The following PPP2R2B variants were observed in gnomAD, a reference collection of about 807,000 sequenced individuals.
PPP2R2B encodes the protein serine/threonine-protein phosphatase 2A 55 kDa regulatory subunit B beta isoform.
In PPP2R2B, 5 loss-of-function variants were observed where a neutral mutation model predicts 46.0. The ratio of observed to expected loss-of-function variants is 0.11; its 90% CI spans 0.06 to 0.23. The LOEUF (loss-of-function observed/expected upper bound fraction) is 0.23. Ranked by LOEUF, PPP2R2B falls within the 10% of genes least tolerant of loss-of-function variation. The probability of loss-of-function intolerance (pLI) is 1.00; values close to 1 mark genes in which losing one functional copy is unlikely to be tolerated. For missense variants in PPP2R2B, 367 were observed against 575.0 expected, an observed-to-expected ratio of 0.64 and a Z score of 3.70; for synonymous variants, 215 against 206.7, an observed-to-expected ratio of 1.04 and a Z score of -0.34.
chr5:147,068,854 T>A (rs1489381762), intron 2 of PPP2R2B, among the ~76,000 whole-genome samples: 1 of 152,164 alleles, frequency 6.6e-6, no homozygotes, highest in Non-Finnish European at 1.5e-5. Context: ...CCTGGTATAT[T>A]TGATTAATGG....
At chr5:146,842,531 AG>A (rs1173801990) in intron 2 of PPP2R2B, among the ~76,000 whole-genome samples, 2 of 148,404 alleles carry the variant, frequency 1.3e-5, no homozygotes, top group East Asian at 3.9e-4. Flanking sequence ...AGGATGTGCA[AG>A]TTTTTTACAT....
intron 2 of PPP2R2B, among the ~76,000 whole-genome samples, chr5:146,865,311 C>G (rs1278559174): frequency 6.6e-6 from 1 of 151,926 alleles, no homozygotes; most frequent in Non-Finnish European, 1.5e-5. Flanking sequence ...CACACACACA[C>G]ACACACACAC....
intron 5 of PPP2R2B, among the ~76,000 whole-genome samples, chr5:146,686,123 A>C (rs1057238934): frequency 3.3e-5 from 5 of 152,148 alleles, no homozygotes; most frequent in Admixed American, 1.3e-4. Context: ...GGCTACTCTA[A>C]AACACGGTTT....
chr5:146,988,690 C>T (rs1380493749), intron 1 of PPP2R2B, among the ~76,000 whole-genome samples: 1 of 151,728 alleles, frequency 6.6e-6, no homozygotes, highest in African/African-American at 2.4e-5. Context: ...AACAACCTAA[C>T]ATTATACCTC....
intron 1 of PPP2R2B, among the ~76,000 whole-genome samples, chr5:146,896,998 G>A (rs934483237): frequency 6.6e-6 from 1 of 152,128 alleles, no homozygotes; most frequent in Non-Finnish European, 1.5e-5. Flanking sequence ...TAAGGTCAAT[G>A]ATGAACTGAG....
intron 2 of PPP2R2B, among the ~76,000 whole-genome samples, chr5:146,722,533 G>A (rs1409141672): frequency 1.3e-5 from 2 of 152,164 alleles, no homozygotes; most frequent in African/African-American, 4.8e-5. Context: ...GCCCAGCCCA[G>A]TCCAGAAAAG....
intron 2 of PPP2R2B, among the ~76,000 whole-genome samples, chr5:147,070,427 C>G (rs1350220422): frequency 6.6e-6 from 1 of 152,122 alleles, no homozygotes; most frequent in Non-Finnish European, 1.5e-5. Context: ...CAGGAACCAC[C>G]CCACAATGTC....
rs78745287 is a variant in PPP2R2B at position 146,913,490 on chromosome 5, T to A, written c.79+142175A>T. On this transcript the variant is annotated intron_variant, in intron 1 of 8. Transcript: ENST00000336640. ...AATAGAGGCCAACATATAGTTCCAG[T>A]AATGACTGAAATTCTATTTATATTC... 6.2e-3 allele frequency among the ~76,000 whole-genome samples: 947 copies of A among 152,240 alleles called. 33 individuals carry two copies. The highest frequency in any genetic ancestry group is 0.045 in the Admixed American group (683 of 15,284).
chr5:146,894,620 A>G (rs1053461844), intron 1 of PPP2R2B, among the ~76,000 whole-genome samples: 2 of 151,994 alleles, frequency 1.3e-5, no homozygotes, highest in Non-Finnish European at 2.9e-5. Flanking sequence ...TTGTGTTTTT[A>G]GTAGAAACGG....
chr5:146,791,596 C>T (rs1252842005), intron 2 of PPP2R2B, among the ~76,000 whole-genome samples: 3 of 152,164 alleles, frequency 2.0e-5, no homozygotes, highest in Admixed American at 6.5e-5. Flanking sequence ...TTACTCTCTT[C>T]ACACTCACTC....
intron 1 of PPP2R2B, among the ~76,000 whole-genome samples, chr5:147,006,248 G>T (rs921799669): frequency 1.3e-5 from 2 of 152,146 alleles, no homozygotes; most frequent in African/African-American, 4.8e-5. Flanking sequence ...CTGCTCAAAC[G>T]TGGGAGTTGT....
At chr5:146,701,267 G>A in intron 2 of PPP2R2B, 125 bp from the exon 3 acceptor site, 2 of 931,292 alleles carry the variant, frequency 2.1e-6, no homozygotes, top group Non-Finnish European at 3.5e-6. Context: ...AATTTACAAG[G>A]ATGTTATGTT....
At chr5:146,959,026 A>G (rs1752051831) in intron 1 of PPP2R2B, among the ~76,000 whole-genome samples, 1 of 152,220 alleles carries the variant, frequency 6.6e-6, no homozygotes, top group African/African-American at 2.4e-5. Flanking sequence ...TGGTTCTTAC[A>G]TAGTAGCCTT....
At chr5:146,815,396 G>A (rs924634446) in intron 2 of PPP2R2B, among the ~76,000 whole-genome samples, 1 of 152,216 alleles carries the variant, frequency 6.6e-6, no homozygotes, top group African/African-American at 2.4e-5. Flanking sequence ...CATCTGTCAG[G>A]TTAATTTTTA....
intron 2 of PPP2R2B, among the ~76,000 whole-genome samples, chr5:146,811,233 T>C (rs766389949): frequency 5.2e-4 from 79 of 152,262 alleles, no homozygotes; most frequent in Middle Eastern, 3.4e-3. Flanking sequence ...CTCTTGACCT[T>C]GTGATCTGTC....
chr5:147,033,520 C>T (rs1755894538), intron 1 of PPP2R2B, among the ~76,000 whole-genome samples: 1 of 152,154 alleles, frequency 6.6e-6, no homozygotes, highest in African/African-American at 2.4e-5. Context: ...AGAAGATACT[C>T]ATAGCTAGAT....
chr5:146,821,489 A>G, intron 2 of PPP2R2B, among the ~76,000 whole-genome samples: 1 of 152,196 alleles, frequency 6.6e-6, no homozygotes, highest in East Asian at 1.9e-4. Flanking sequence ...ATCACAATGT[A>G]CTAAGGTTTG....
chr5:146,757,324 A>G (rs889685721), intron 2 of PPP2R2B, among the ~76,000 whole-genome samples: 2 of 152,206 alleles, frequency 1.3e-5, no homozygotes, highest in Admixed American at 1.3e-4. Flanking sequence ...AACTTTATAT[A>G]ATGGTATCAC....
chr5:146,616,540 C>A (rs564219297), intron 7 of PPP2R2B, among the ~76,000 whole-genome samples: 1 of 152,148 alleles, frequency 6.6e-6, no homozygotes, highest in Admixed American at 6.5e-5. Flanking sequence ...AAAAAAATAT[C>A]TAATCCATTT....
Sources: gnomAD v4.1 joint callset for allele counts (sites outside exome capture counted in the v4.1 genomes callset) on GRCh38, gnomAD v4.1.1 for gene constraint, MANE v1.5 for transcripts, NCBI Gene and HGNC (gene_info 2026-07-23, HGNC 2026-07-21) for gene names.